Variants in PDGFRA observed in about 807,000 individuals in gnomAD.
PDGFRA encodes the protein platelet-derived growth factor receptor alpha.
PDGFRA carries 25 observed loss-of-function variants against 121.5 expected under a neutral mutation model. The observed-to-expected ratio is 0.21, with a 90% CI of 0.15 to 0.29. The LOEUF is 0.29. PDGFRA is among the 10% of genes least tolerant of loss of function. The pLI is 1.00. For missense variants in PDGFRA, 1,008 were observed against 1,345.1 expected, an observed-to-expected ratio of 0.75 and a Z score of 3.92; for synonymous variants, 463 against 494.8, an observed-to-expected ratio of 0.94 and a Z score of 0.85.
intron 1 of PDGFRA, among the ~76,000 whole-genome samples, chr4:54,244,417 T>A (rs1045815943): frequency 3.9e-5 from 6 of 152,150 alleles, no homozygotes; most frequent in Non-Finnish European, 8.8e-5. Context: ...CACGAAAATC[T>A]GCTGTTCTGC....
At chr4:54,255,014 T>G (rs1722281709) in intron 1 of PDGFRA, among the ~76,000 whole-genome samples, 1 of 152,146 alleles carries the variant, frequency 6.6e-6, no homozygotes, top group Non-Finnish European at 1.5e-5. Flanking sequence ...GCTAAAACAC[T>G]GACCTTCCCT....
chr4:54,233,064 C>T (rs139813958), intron 1 of PDGFRA, among the ~76,000 whole-genome samples: 205 of 152,238 alleles, frequency 1.3e-3, no homozygotes, highest in African/African-American at 4.8e-3. Flanking sequence ...GCTCTCCCCC[C>T]TCTCTCCACA....
At chr4:54,250,769 A>G (rs779515293) in intron 1 of PDGFRA, among the ~76,000 whole-genome samples, 8 of 152,180 alleles carry the variant, frequency 5.3e-5, no homozygotes, top group African/African-American at 1.7e-4. Context: ...GATAACTTTG[A>G]AAATTGTGCC....
At chr4:54,288,618 A>G (rs902818811) in intron 19 of PDGFRA, among the ~76,000 whole-genome samples, 181 bp from the exon 20 acceptor site, 17 of 152,150 alleles carry the variant, frequency 1.1e-4, no homozygotes, top group African/African-American at 4.1e-4. Flanking sequence ...GTCCTAATTA[A>G]ACTTAAGGTT....
chr4:54,250,330 A>G (rs1013079210), intron 1 of PDGFRA, among the ~76,000 whole-genome samples: 14 of 152,216 alleles, frequency 9.2e-5, no homozygotes, highest in Non-Finnish European at 1.8e-4. Context: ...CCAAACTGAA[A>G]TTCTAATGTA....
At chr4:54,242,167 A>G (rs1721338015) in intron 1 of PDGFRA, among the ~76,000 whole-genome samples, 1 of 152,170 alleles carries the variant, frequency 6.6e-6, no homozygotes, top group South Asian at 2.1e-4. Flanking sequence ...CCTGGCTTAG[A>G]GAATGAGAGG....
At position 54,258,856 on chromosome 4, in the gene PDGFRA, G is replaced by A. The variant is rs1410367907; in HGVS notation, c.49+39G>A. 2.5e-6 allele frequency: 4 copies of A among 1,578,476 alleles called. No homozygotes were observed. In the Admixed American group the frequency reaches 5.0e-5, roughly 20 times the overall value. The stretch of plus-strand genomic sequence containing the variant: ...TCCTCTCTGAGTTCCTTGTTTGGGT[G>A]TCTTGTTTTTTTAAGCTTTGTGCTG... On this transcript the variant is annotated intron_variant, in intron 2 of 22. Transcript: ENST00000257290.
intron 19 of PDGFRA, among the ~76,000 whole-genome samples, chr4:54,287,834 C>T (rs528369130): frequency 3.3e-5 from 5 of 152,178 alleles, no homozygotes; most frequent in African/African-American, 7.2e-5. Context: ...CAATGACATT[C>T]GCATCCCAGC....
At chr4:54,241,401 A>G (rs1721287767) in intron 1 of PDGFRA, among the ~76,000 whole-genome samples, 1 of 152,166 alleles carries the variant, frequency 6.6e-6, no homozygotes, top group South Asian at 2.1e-4. Context: ...AGAAGGAAAT[A>G]TAGGACAAGT....
intron 16 of PDGFRA, chr4:54,281,627 TG>T: frequency 7.4e-7 from 1 of 1,358,490 alleles, no homozygotes; most frequent in Admixed American, 2.2e-5. Context: ...ACCTGAGTCA[TG>T]CTCAGGCCCA....
intron 1 of PDGFRA, among the ~76,000 whole-genome samples, chr4:54,245,017 A>T (rs995794132): frequency 6.6e-6 from 1 of 152,208 alleles, no homozygotes; most frequent in African/African-American, 2.4e-5. Flanking sequence ...AAGTTTAAAG[A>T]AAAAAGAATA....
intron 2 of PDGFRA, among the ~76,000 whole-genome samples, chr4:54,260,113 A>G (rs1301843595): frequency 6.6e-6 from 1 of 152,216 alleles, no homozygotes; most frequent in African/African-American, 2.4e-5. Flanking sequence ...AGATGAACTT[A>G]GAGTTTTCAC....
At chr4:54,240,141 C>T in intron 1 of PDGFRA, 1 of 272,874 alleles carries the variant, frequency 3.7e-6, no homozygotes, top group South Asian at 3.0e-5. Flanking sequence ...GTGTGAGCCA[C>T]TGCACCTGGC....
chr4:54,280,636 T>C (rs1724026426), intron 16 of PDGFRA, 154 bp downstream of exon 16: 5 of 638,438 alleles, frequency 7.8e-6, no homozygotes, highest in Non-Finnish European at 1.4e-5. Context: ...TTCTGTGACA[T>C]GTTTCCAGGT....
chr4:54,233,317 C>A (rs1415720408), intron 1 of PDGFRA, among the ~76,000 whole-genome samples: 1 of 152,208 alleles, frequency 6.6e-6, no homozygotes, highest in African/African-American at 2.4e-5. Flanking sequence ...GGGTCAGAAG[C>A]CGGACAGTGG....
rs1296956056 is a variant in PDGFRA, at chr4:54,259,508, G to T, written c.49+691G>T. On this transcript the variant is annotated intron_variant, in intron 2 of 22. Transcript: ENST00000257290. ...AATCTTAAAAACTTTCCCACCAAAA[G>T]GATCATTGGGGTAATTTGTTGAAGT... Among the ~76,000 whole-genome samples the T allele has an allele frequency of 2.6e-5, 4 of 152,250 alleles. No individual in the cohort carries two copies. In the South Asian group the frequency reaches 8.3e-4, roughly 32 times the overall value.
chr4:54,274,480 T>A (rs780683209), intron 10 of PDGFRA, 51 bp from the exon 11 acceptor site: 3 of 1,291,488 alleles, frequency 2.3e-6, no homozygotes, highest in Non-Finnish European at 2.2e-6. Flanking sequence ...GCTGCCCCTG[T>A]GCATGTCTGC....
intron 1 of PDGFRA, among the ~76,000 whole-genome samples, chr4:54,233,384 C>A (rs531587675): frequency 2.0e-5 from 3 of 152,222 alleles, no homozygotes; most frequent in Admixed American, 2.0e-4. Flanking sequence ...GCGCAGCACT[C>A]CCGGCTGCGC....
rs754418586 is a variant in PDGFRA, at chr4:54,285,346, A to G, written c.2324-25A>G. The G allele has an allele frequency of 1.9e-5, 17 of 884,098 alleles. No homozygotes were observed. In the South Asian group the frequency reaches 2.1e-4, roughly 11 times the overall value. The allele number at this position is 884,098 out of a possible 1,614,324, so 54.8% of individuals were successfully genotyped here. Reference sequence around the variant, plus strand: ...TGATTTCCTGCTGCCTGCCAGCACCAATACATTTAATTTCTTTTCTGCAGA... The same window carrying G: ...TGATTTCCTGCTGCCTGCCAGCACCGATACATTTAATTTCTTTTCTGCAGA... On this transcript the variant is annotated intron_variant, in intron 16 of 22. Coordinates refer to ENST00000257290, the MANE Select transcript of PDGFRA (RefSeq NM_006206.6).
Sources: gnomAD v4.1 joint callset for allele counts (sites outside exome capture counted in the v4.1 genomes callset) on GRCh38, gnomAD v4.1.1 for gene constraint, MANE v1.5 for transcripts, NCBI Gene and HGNC (gene_info 2026-07-23, HGNC 2026-07-21) for gene names.